ATG10: variants seen among roughly 807,000 people sequenced by gnomAD.
The protein encoded by ATG10 is autophagy related 10, also known as ubiquitin-like-conjugating enzyme ATG10.
ATG10 carries 30 observed loss-of-function variants against 32.1 expected under a neutral mutation model. The observed-to-expected ratio is 0.94, with a 90% CI of 0.70 to 1.27. ATG10 has a LOEUF of 1.27. ATG10 is among the 50% of genes most tolerant of loss of function. The pLI, the probability that ATG10 is intolerant of heterozygous loss-of-function variation, is 0.00. For missense variants in ATG10, 233 were observed against 262.3 expected (o/e 0.89, Z 0.77); for synonymous variants, 87 against 91.5 (o/e 0.95, Z 0.28).
intron 3 of ATG10, among the ~76,000 whole-genome samples, chr5:82,149,073 C>CTCTA (rs1767481923): frequency 6.6e-6 from 1 of 152,024 alleles, no homozygotes; most frequent in Non-Finnish European, 1.5e-5. Flanking sequence ...ACACTTTAAA[C>CTCTA]TCTAGTTCTG....
intron 2 of ATG10, among the ~76,000 whole-genome samples, chr5:81,993,269 GAGTTT>G (rs1279111084): frequency 6.7e-6 from 1 of 149,114 alleles, no homozygotes; most frequent in Non-Finnish European, 1.5e-5. Context: ...TGCATTCAAA[GAGTTT>G]AGCCTGATTT....
intron 3 of ATG10, among the ~76,000 whole-genome samples, chr5:82,146,122 T>TAGA (rs1767348845): frequency 6.6e-6 from 1 of 152,226 alleles, no homozygotes; most frequent in Non-Finnish European, 1.5e-5. Flanking sequence ...TCCTTGTTTC[T>TAGA]ATAGTACAGG....
At chr5:82,168,528 G>A (rs1408205953) in intron 4 of ATG10, among the ~76,000 whole-genome samples, 1 of 152,154 alleles carries the variant, frequency 6.6e-6, no homozygotes, top group Non-Finnish European at 1.5e-5. Flanking sequence ...TTTGAATAGA[G>A]GAGGAATCTT....
At chr5:82,139,467 A>G (rs1766944800) in intron 3 of ATG10, among the ~76,000 whole-genome samples, 2 of 125,480 alleles carry the variant, frequency 1.6e-5, no homozygotes, top group Non-Finnish European at 3.4e-5. Context: ...CCATCGTCTG[A>G]GATGTGGGGA....
rs1561316596 is a variant in ATG10 at position 82,133,827 on chromosome 5, CG to C, written c.217-30571del. 3.3e-5 allele frequency among the ~76,000 whole-genome samples: 5 copies of C among 152,154 alleles called. No individual in the cohort carries two copies. The South Asian group carries it at 8.3e-4, about 25-fold the overall frequency. On this transcript the variant is annotated intron_variant, in intron 3 of 7. Transcript: ENST00000282185. ...AATTTGGGCAGTATGGCCATTTTCA[CG>C]ATACTGATTCTAACTATCCATGAGC...
chr5:82,063,022 T>A (rs1763831736), intron 3 of ATG10, among the ~76,000 whole-genome samples: 1 of 152,152 alleles, frequency 6.6e-6, no homozygotes, highest in African/African-American at 2.4e-5. Flanking sequence ...TTTTTCATTT[T>A]AAAATACCTC....
chr5:82,195,587 C>T (rs1161389414), intron 5 of ATG10, among the ~76,000 whole-genome samples: 1 of 152,132 alleles, frequency 6.6e-6, no homozygotes, highest in Non-Finnish European at 1.5e-5. Flanking sequence ...ACTTTTTTCT[C>T]TATAGAGTTG....
At chr5:82,112,932 T>C (rs943644669) in intron 3 of ATG10, among the ~76,000 whole-genome samples, 1 of 151,964 alleles carries the variant, frequency 6.6e-6, no homozygotes, top group African/African-American at 2.4e-5. Context: ...TTTTTAACTT[T>C]TATGCAGATA....
chr5:82,081,497 G>T (rs1156543268), intron 3 of ATG10, among the ~76,000 whole-genome samples: 1 of 152,166 alleles, frequency 6.6e-6, no homozygotes, highest in Admixed American at 6.5e-5. Flanking sequence ...CTGTGGGTTT[G>T]TCATAAATAG....
At chr5:82,072,241 T>C (rs541745395) in intron 3 of ATG10, among the ~76,000 whole-genome samples, 1 of 152,252 alleles carries the variant, frequency 6.6e-6, no homozygotes, top group African/African-American at 2.4e-5. Context: ...TCCTTGTCTA[T>C]GTATTCTTTG....
chr5:81,979,971 A>G (rs6892260), intron 1 of ATG10, among the ~76,000 whole-genome samples: 23,739 of 151,186 alleles, frequency 0.16, 4,047 homozygotes, highest in African/African-American at 0.43. Context: ...AATATGCATT[A>G]TTTTCATCAT....
chr5:82,020,779 A>G (rs1230599048), intron 2 of ATG10, among the ~76,000 whole-genome samples: 1 of 152,210 alleles, frequency 6.6e-6, no homozygotes, highest in Admixed American at 6.5e-5. Context: ...TGAGCTTTTC[A>G]AAGAGGCCAC....
chr5:82,153,006 C>T (rs1302352303), intron 3 of ATG10, among the ~76,000 whole-genome samples: 1 of 152,194 alleles, frequency 6.6e-6, no homozygotes, highest in Non-Finnish European at 1.5e-5. Context: ...GTGAATAAGA[C>T]AGGCAAAAGC....
chr5:81,986,863 G>C (rs1327142737), intron 1 of ATG10, among the ~76,000 whole-genome samples: 1 of 152,042 alleles, frequency 6.6e-6, no homozygotes, highest in East Asian at 1.9e-4. Context: ...GGCCAACATG[G>C]TGGAACCCTG....
chr5:82,232,814 G>A (rs1248819896), intron 5 of ATG10, among the ~76,000 whole-genome samples: 5 of 152,048 alleles, frequency 3.3e-5, no homozygotes, highest in Non-Finnish European at 4.4e-5. Context: ...AAAACTTTCT[G>A]TTGTATTTAA....
intron 2 of ATG10, among the ~76,000 whole-genome samples, chr5:82,021,452 A>G (rs771063399): frequency 6.6e-6 from 1 of 152,256 alleles, no homozygotes; most frequent in African/African-American, 2.4e-5. Flanking sequence ...ATCCTCCTGT[A>G]TACTTTAAAT....
chr5:81,977,783 A>G (rs1453580316), intron 1 of ATG10, among the ~76,000 whole-genome samples: 3 of 152,106 alleles, frequency 2.0e-5, no homozygotes, highest in African/African-American at 7.2e-5. Flanking sequence ...AGGAAGTTTG[A>G]CATTCTTTTC....
At chr5:82,122,831 C>T (rs921753512) in intron 3 of ATG10, among the ~76,000 whole-genome samples, 29 of 151,626 alleles carry the variant, frequency 1.9e-4, no homozygotes, top group African/African-American at 6.5e-4. Flanking sequence ...ACCATACAGA[C>T]GGCTGTTATT....
intron 1 of ATG10, among the ~76,000 whole-genome samples, chr5:81,983,000 AC>A (rs1366685517): frequency 6.6e-6 from 1 of 151,896 alleles, no homozygotes; most frequent in Non-Finnish European, 1.5e-5. Context: ...TCTTTTCCCC[AC>A]CTTTCCCCCC....
Sources: allele counts gnomAD v4.1 joint callset (sites outside exome capture counted in the v4.1 genomes callset), GRCh38; gene constraint gnomAD v4.1.1; transcripts MANE v1.5; gene names NCBI Gene and HGNC (gene_info 2026-07-23, HGNC 2026-07-21).